The following GRM8 variants were observed in gnomAD, a reference collection of about 807,000 sequenced individuals.
GRM8 encodes the protein glutamate metabotropic receptor 8.
In GRM8, 47 loss-of-function variants were observed where a neutral mutation model predicts 87.2. The ratio of observed to expected loss-of-function variants is 0.54; its 90% CI spans 0.43 to 0.69. The LOEUF (loss-of-function observed/expected upper bound fraction) is 0.69, where lower values mean the gene tolerates loss of function less well. Among genes scored for constraint, GRM8 ranks in the 30% least tolerant of loss-of-function variants. GRM8 has a pLI of 0.00. For missense variants in GRM8, 1,019 were observed against 1,139.2 expected (o/e 0.89, Z 1.52); for synonymous variants, 396 against 404.5 (o/e 0.98, Z 0.25).
chr7:126,477,567 GAA>G (rs1419156225), intron 9 of GRM8, among the ~76,000 whole-genome samples: 1 of 96,366 alleles, frequency 1.0e-5, no homozygotes, highest in Non-Finnish European at 2.1e-5. Flanking sequence ...GTAAGAGAAA[GAA>G]AGAAAGAAAG....
intron 9 of GRM8, among the ~76,000 whole-genome samples, chr7:126,519,380 T>G (rs1201220508): frequency 6.6e-6 from 1 of 152,088 alleles, no homozygotes; most frequent in Non-Finnish European, 1.5e-5. Flanking sequence ...TATAACAAAA[T>G]GAAAGTGGTA....
In GRM8 at chr7:126,533,869, C is replaced by G. The variant is rs1815254460; in HGVS notation, c.1513G>C (p.Ala505Pro). The change falls in exon 9 of 11, where the codon GCT becomes CCT. Residue 505 changes from alanine to proline, a missense_variant. Ala to Pro is a conservative substitution (Grantham distance 27, BLOSUM62 -1). Coordinates refer to ENST00000339582, the MANE Select transcript of GRM8 (RefSeq NM_000845.3). ...LHLKVEDMQW[A>P]HREHTHPASV... is the part of the protein sequence containing the mutation. ...GCCGGGTGAGTATGTTCTCTATGAG[C>G]CCACTGCATGTCTTCCACCTGTGGG... 2 of 1,612,646 alleles carry G rather than the reference C, an allele frequency of 1.2e-6. No individual in the cohort carries two copies. Among genetic ancestry groups the G allele is most frequent in the African/African-American group, 2.7e-5 (2 of 75,012 alleles).
intron 7 of GRM8, among the ~76,000 whole-genome samples, chr7:126,758,190 G>C (rs1475163211): frequency 6.6e-6 from 1 of 152,134 alleles, no homozygotes; most frequent in Non-Finnish European, 1.5e-5. Flanking sequence ...AATATATACT[G>C]AGGGTTTATT....
At chr7:126,638,514 A>G (rs1802069285) in intron 7 of GRM8, among the ~76,000 whole-genome samples, 1 of 152,198 alleles carries the variant, frequency 6.6e-6, no homozygotes, top group African/African-American at 2.4e-5. Flanking sequence ...GGGATGGGGC[A>G]TATAGACAAG....
chr7:127,167,391 T>G (rs1793517965), intron 2 of GRM8, among the ~76,000 whole-genome samples: 1 of 152,142 alleles, frequency 6.6e-6, no homozygotes, highest in Admixed American at 6.6e-5. Context: ...AATTAGCACG[T>G]TTTTACTGCT....
At chr7:126,454,176 A>G (rs1213017805) in intron 9 of GRM8, among the ~76,000 whole-genome samples, 1 of 151,826 alleles carries the variant, frequency 6.6e-6, no homozygotes, top group Non-Finnish European at 1.5e-5. Context: ...TTATCTCTGA[A>G]CTATATTTTA....
At chr7:127,122,222 T>C (rs1368694096) in intron 2 of GRM8, among the ~76,000 whole-genome samples, 1 of 152,190 alleles carries the variant, frequency 6.6e-6, no homozygotes, top group Non-Finnish European at 1.5e-5. Flanking sequence ...TCAGGATTCC[T>C]GGCTTTTAAT....
At chr7:127,052,978 C>T (rs1377849244) in intron 3 of GRM8, among the ~76,000 whole-genome samples, 1 of 152,032 alleles carries the variant, frequency 6.6e-6, no homozygotes, top group East Asian at 1.9e-4. Flanking sequence ...CAAAATATTT[C>T]CAATGTACAA....
chr7:126,886,007 T>C lies in GRM8; in HGVS notation c.1156+16535A>G, dbSNP rs370962097. Among the ~76,000 whole-genome samples, 149 of 152,266 alleles carry C rather than the reference T, an allele frequency of 9.8e-4. 2 individuals carry two copies. The East Asian group carries it at 0.019, about 20-fold the overall frequency. ...CCTTGTAAGTAGCCTGGGGTGATTA[T>C]GGTGGTGTAATTTTCATCACAACCA... On this transcript the variant is annotated intron_variant, in intron 6 of 10. Coordinates refer to ENST00000339582, the MANE Select transcript of GRM8 (RefSeq NM_000845.3).
intron 6 of GRM8, among the ~76,000 whole-genome samples, chr7:126,774,549 T>C (rs1162000789): frequency 1.3e-5 from 2 of 152,164 alleles, no homozygotes; most frequent in African/African-American, 4.8e-5. Flanking sequence ...GTCAGCCTCC[T>C]AAATTTTATG....
At chr7:126,983,939 C>T (rs1241680506) in intron 3 of GRM8, among the ~76,000 whole-genome samples, 2 of 152,182 alleles carry the variant, frequency 1.3e-5, no homozygotes, top group African/African-American at 4.8e-5. Flanking sequence ...GAAACAAGGA[C>T]TGTAATTGTC....
chr7:126,991,318 A>C (rs888931755), intron 3 of GRM8, among the ~76,000 whole-genome samples: 1 of 152,194 alleles, frequency 6.6e-6, no homozygotes, highest in African/African-American at 2.4e-5. Context: ...TGTTTTAGTC[A>C]GAAGCATTTT....
intron 5 of GRM8, among the ~76,000 whole-genome samples, 189 bp downstream of exon 5, chr7:126,903,775 GTATATATA>G (rs544721638): frequency 1.1e-5 from 1 of 87,670 alleles, no homozygotes; most frequent in African/African-American, 4.4e-5. Context: ...ATGTGTGTGT[GTATATATA>G]TATATATATA....
chr7:126,484,624 C>A (rs1207309591), intron 9 of GRM8, among the ~76,000 whole-genome samples: 1 of 151,998 alleles, frequency 6.6e-6, no homozygotes, highest in Non-Finnish European at 1.5e-5. Context: ...TTACTCCAAG[C>A]AAGAAATTAA....
At chr7:126,749,534 A>T (rs1216547003) in intron 7 of GRM8, among the ~76,000 whole-genome samples, 1 of 150,526 alleles carries the variant, frequency 6.6e-6, no homozygotes, top group Non-Finnish European at 1.5e-5. Context: ...TTAAATATAT[A>T]AACAAATATT....
chr7:127,169,609 C>T (rs181560012), intron 2 of GRM8, among the ~76,000 whole-genome samples: 38 of 151,906 alleles, frequency 2.5e-4, no homozygotes, highest in Non-Finnish European at 4.9e-4. Context: ...AAGATTCCAT[C>T]CAGGATTAAC....
At chr7:126,608,044 A>T (rs972186143) in intron 8 of GRM8, among the ~76,000 whole-genome samples, 1 of 152,006 alleles carries the variant, frequency 6.6e-6, no homozygotes, top group Non-Finnish European at 1.5e-5. Flanking sequence ...ATACTTAAAA[A>T]AGCCAGTGTG....
chr7:126,786,762 G>C (rs1463122063), intron 6 of GRM8, among the ~76,000 whole-genome samples: 1 of 151,962 alleles, frequency 6.6e-6, no homozygotes, highest in Non-Finnish European at 1.5e-5. Flanking sequence ...AAATTAATAA[G>C]ACAAATTCAA....
intron 7 of GRM8, among the ~76,000 whole-genome samples, chr7:126,683,505 A>G (rs1807846742): frequency 6.6e-6 from 1 of 152,144 alleles, no homozygotes; most frequent in Admixed American, 6.5e-5. Context: ...AGTATTTCAG[A>G]CCTAGTGAGC....
Sources: allele counts gnomAD v4.1 joint callset (sites outside exome capture counted in the v4.1 genomes callset), GRCh38; gene constraint gnomAD v4.1.1; transcripts MANE v1.5; gene names NCBI Gene and HGNC (gene_info 2026-07-23, HGNC 2026-07-21).